Variants in GRIP1 observed in about 807,000 individuals in gnomAD.
GRIP1 encodes glutamate receptor-interacting protein 1.
GRIP1 carries 45 observed loss-of-function variants against 129.9 expected under a neutral mutation model. The ratio of observed to expected loss-of-function variants is 0.35; its 90% CI spans 0.27 to 0.44. GRIP1 has a LOEUF of 0.44. GRIP1 is among the 20% of genes least tolerant of loss of function. GRIP1 has a pLI of 1.00. For missense variants in GRIP1, 1,196 were observed against 1,396.8 expected, an observed-to-expected ratio of 0.86 and a Z score of 2.29; for synonymous variants, 530 against 520.8, an observed-to-expected ratio of 1.02 and a Z score of -0.24.
intron 7 of GRIP1, among the ~76,000 whole-genome samples, chr12:66,496,908 C>T (rs2060253355): frequency 6.6e-6 from 1 of 151,092 alleles, no homozygotes; most frequent in Non-Finnish European, 1.5e-5. Context: ...GGAGAAGGAA[C>T]AAAAGAAAAA....
rs1473905914 is a variant in GRIP1, at chr12:66,388,304, G to A, written c.2464+4004C>T. Among the ~76,000 whole-genome samples, 23 of 152,206 alleles carry A rather than the reference G, an allele frequency of 1.5e-4. No homozygotes were observed. The East Asian group carries it at 4.4e-3, about 29-fold the overall frequency. Reference sequence around the variant, plus strand: ...ATTATATAAAATACATTTGACATCTGGATGAAATAATTTCATTTTCTGAGA... The same window carrying A: ...ATTATATAAAATACATTTGACATCTAGATGAAATAATTTCATTTTCTGAGA... On this transcript the variant is annotated intron_variant, in intron 19 of 24. Transcript: ENST00000359742.
At chr12:66,912,259 T>C (rs898564059) in intron 1 of GRIP1, among the ~76,000 whole-genome samples, 2 of 152,152 alleles carry the variant, frequency 1.3e-5, no homozygotes, top group Admixed American at 6.5e-5. Context: ...ACACATATAA[T>C]GTTATATCTA....
chr12:66,708,217 A>G (rs890069017), intron 1 of GRIP1, among the ~76,000 whole-genome samples: 5 of 152,012 alleles, frequency 3.3e-5, no homozygotes, highest in Admixed American at 2.0e-4. Context: ...GGAGAATGGA[A>G]TGAGGTTGCT....
intron 1 of GRIP1, among the ~76,000 whole-genome samples, chr12:66,719,498 T>A (rs558855267): frequency 6.6e-6 from 1 of 152,182 alleles, no homozygotes; most frequent in African/African-American, 2.4e-5. Flanking sequence ...TTATTGTAAA[T>A]CCCTGAGATA....
At chr12:66,617,085 T>TTG (rs71436017) in intron 1 of GRIP1, among the ~76,000 whole-genome samples, 14,927 of 135,180 alleles carry the variant, frequency 0.11, 861 homozygotes, top group East Asian at 0.23. Context: ...AACAGACGTT[T>TTG]TGTGTGTGTG....
chr12:66,636,946 G>A (rs959917224), intron 1 of GRIP1, among the ~76,000 whole-genome samples: 8 of 152,142 alleles, frequency 5.3e-5, no homozygotes, highest in Non-Finnish European at 1.2e-4. Context: ...TGTTAGGACA[G>A]CCTGAGCAAA....
At chr12:66,979,329 C>T (rs535419671) in intron 1 of GRIP1, among the ~76,000 whole-genome samples, 17 of 138,944 alleles carry the variant, frequency 1.2e-4, no homozygotes, top group Non-Finnish European at 2.6e-4. Context: ...TGAATTCACA[C>T]ATTTTGGCAA....
At chr12:66,760,847 CTTT>C (rs758075509) in intron 1 of GRIP1, among the ~76,000 whole-genome samples, 1 of 144,124 alleles carries the variant, frequency 6.9e-6, no homozygotes. Flanking sequence ...TAGTTAGTAT[CTTT>C]TTTTTTTTTT....
chr12:66,477,566 G>A (rs1383344555), intron 7 of GRIP1, among the ~76,000 whole-genome samples: 2 of 152,026 alleles, frequency 1.3e-5, no homozygotes, highest in Non-Finnish European at 2.9e-5. Context: ...AGCCTGCATT[G>A]CCAAGTCAAT....
At chr12:66,960,675 A>G (rs557226646) in intron 1 of GRIP1, among the ~76,000 whole-genome samples, 1 of 152,044 alleles carries the variant, frequency 6.6e-6, no homozygotes, top group African/African-American at 2.4e-5. Context: ...CCCTCAGGGG[A>G]TATCTGACAA....
chr12:66,561,582 T>C (rs1350786613), intron 2 of GRIP1, among the ~76,000 whole-genome samples: 1 of 152,140 alleles, frequency 6.6e-6, no homozygotes, highest in Non-Finnish European at 1.5e-5. Context: ...TGGGGCTAAG[T>C]TGGGACAGTC....
intron 2 of GRIP1, among the ~76,000 whole-genome samples, chr12:66,553,531 T>A (rs558185534): frequency 7.5e-4 from 114 of 151,836 alleles, no homozygotes; most frequent in African/African-American, 2.6e-3. Context: ...CCTCCACTGA[T>A]CATCCTCCCT....
chr12:66,984,325 T>G (rs1003940739), intron 1 of GRIP1, among the ~76,000 whole-genome samples: 15 of 152,190 alleles, frequency 9.9e-5, no homozygotes, highest in African/African-American at 3.4e-4. Flanking sequence ...TCAAAAGCCA[T>G]GCTGTACAGC....
intron 1 of GRIP1, among the ~76,000 whole-genome samples, chr12:67,013,985 G>A (rs1034137849): frequency 7.9e-5 from 12 of 152,160 alleles, no homozygotes; most frequent in African/African-American, 2.9e-4. Context: ...CTTTTCTGCT[G>A]ACAAACTGTG....
chr12:66,629,925 C>A (rs1455108553), intron 1 of GRIP1, among the ~76,000 whole-genome samples: 1 of 152,112 alleles, frequency 6.6e-6, no homozygotes, highest in African/African-American at 2.4e-5. Context: ...TCCTGAAAGT[C>A]TTTGAATCTC....
At chr12:66,589,263 T>G (rs1418566357) in intron 2 of GRIP1, among the ~76,000 whole-genome samples, 3 of 149,366 alleles carry the variant, frequency 2.0e-5, no homozygotes, top group Non-Finnish European at 3.0e-5. Context: ...ACTCTCGCTC[T>G]AGGTTAGGTT....
chr12:66,730,211 T>G (rs987326115), intron 1 of GRIP1, among the ~76,000 whole-genome samples: 2 of 152,196 alleles, frequency 1.3e-5, no homozygotes, highest in Non-Finnish European at 2.9e-5. Flanking sequence ...ACTAATGGTT[T>G]TTATTTTACC....
At chr12:66,563,837 T>C (rs1410722591) in intron 2 of GRIP1, 2 of 152,224 alleles carry the variant, frequency 1.3e-5, no homozygotes, top group African/African-American at 4.8e-5. Context: ...AAGTCTCATA[T>C]CCCTGAGAAA....
chr12:66,669,014 G>A (rs1450269465), intron 1 of GRIP1, among the ~76,000 whole-genome samples: 1 of 152,110 alleles, frequency 6.6e-6, no homozygotes, highest in East Asian at 1.9e-4. Context: ...TTCCCCATGT[G>A]ATGTGAAAAA....
Sources: gnomAD v4.1 joint callset for allele counts (sites outside exome capture counted in the v4.1 genomes callset) on GRCh38, gnomAD v4.1.1 for gene constraint, MANE v1.5 for transcripts, NCBI Gene and HGNC (gene_info 2026-07-23, HGNC 2026-07-21) for gene names.